RIT2: variants seen among roughly 807,000 people sequenced by gnomAD.
RIT2 encodes Ras like without CAAX 2, also known as GTP-binding protein Rit2.
In RIT2, 24 loss-of-function variants were observed where a neutral mutation model predicts 23.7. The observed-to-expected ratio is 1.01, with a 90% confidence interval of 0.73 to 1.43. The LOEUF is 1.43. RIT2 is among the 40% of genes most tolerant of loss of function. The pLI is 0.00. For synonymous variants in RIT2, 107 were observed against 91.1 expected (o/e 1.17, Z -0.99); for missense variants, 236 against 266.9 (o/e 0.88, Z 0.81).
At chr18:42,903,303 T>C (rs376970162) in intron 4 of RIT2, among the ~76,000 whole-genome samples, 3 of 152,202 alleles carry the variant, frequency 2.0e-5, no homozygotes, top group East Asian at 3.9e-4. Flanking sequence ...TACACTTGTT[T>C]CTACAGCCCC....
intron 4 of RIT2, among the ~76,000 whole-genome samples, chr18:42,753,442 GGTCTGGCTCT>G (rs1328985842): frequency 6.6e-6 from 1 of 152,086 alleles, no homozygotes; most frequent in Non-Finnish European, 1.5e-5. Context: ...CAGAAAGATG[GGTCTGGCTCT>G]TCCAACAGAA....
chr18:43,059,149 G>A (rs1912581139), intron 1 of RIT2, among the ~76,000 whole-genome samples: 2 of 151,876 alleles, frequency 1.3e-5, no homozygotes, highest in Non-Finnish European at 2.9e-5. Flanking sequence ...TTTTAAGATA[G>A]TAGAAGTCAT....
chr18:42,841,127 G>T (rs943868067), intron 4 of RIT2, among the ~76,000 whole-genome samples: 1 of 152,098 alleles, frequency 6.6e-6, no homozygotes, highest in African/African-American at 2.4e-5. Flanking sequence ...AAATGAGAAA[G>T]AATGAATGAT....
intron 4 of RIT2, among the ~76,000 whole-genome samples, chr18:42,759,435 A>T (rs976551418): frequency 2.0e-5 from 3 of 152,148 alleles, no homozygotes; most frequent in Non-Finnish European, 2.9e-5. Flanking sequence ...GTTCTTCAAT[A>T]TTGGAATTGG....
chr18:42,879,145 A>G (rs560020469), intron 4 of RIT2, among the ~76,000 whole-genome samples: 13 of 152,252 alleles, frequency 8.5e-5, no homozygotes, highest in African/African-American at 2.2e-4. Flanking sequence ...TCCAATCTGA[A>G]TGATTTCTTT....
chr18:43,069,862 G>A (rs1404271995), intron 1 of RIT2, among the ~76,000 whole-genome samples: 3 of 152,016 alleles, frequency 2.0e-5, no homozygotes, highest in Non-Finnish European at 4.4e-5. Context: ...CCTCAGAGAA[G>A]ATACCCTTGA....
At chr18:43,025,221 C>CAAAAA (rs1207895767) in intron 2 of RIT2, among the ~76,000 whole-genome samples, 1 of 121,924 alleles carries the variant, frequency 8.2e-6, no homozygotes, top group Non-Finnish European at 1.8e-5. Context: ...AAAAACAAAA[C>CAAAAA]AAAACAAAAA....
intron 2 of RIT2, among the ~76,000 whole-genome samples, chr18:42,992,210 C>T (rs139986450): frequency 1.4e-3 from 214 of 152,206 alleles, no homozygotes; most frequent in African/African-American, 4.6e-3. Flanking sequence ...TCAACTCACA[C>T]GTGACCTAAA....
chr18:42,951,412 C>T (rs1327696666), intron 3 of RIT2, among the ~76,000 whole-genome samples: 1 of 151,634 alleles, frequency 6.6e-6, no homozygotes, highest in African/African-American at 2.4e-5. Flanking sequence ...ACAGTAGATA[C>T]CGGGGACTGC....
chr18:42,816,038 G>A (rs16976960), intron 4 of RIT2, among the ~76,000 whole-genome samples: 29,319 of 151,652 alleles, frequency 0.19, 3,233 homozygotes, highest in African/African-American at 0.3. Flanking sequence ...TCCAAGAACC[G>A]CCTCAACTTT....
intron 4 of RIT2, among the ~76,000 whole-genome samples, chr18:42,908,422 C>T (rs1453351517): frequency 6.6e-6 from 1 of 152,126 alleles, no homozygotes; most frequent in Admixed American, 6.6e-5. Flanking sequence ...TGGCAAAACA[C>T]ATAAAGCTAC....
intron 2 of RIT2, among the ~76,000 whole-genome samples, chr18:43,001,351 A>G (rs1443428648): frequency 6.6e-6 from 1 of 152,024 alleles, no homozygotes; most frequent in African/African-American, 2.4e-5. Context: ...AGACAAAAAT[A>G]AAGTATTTGG....
chr18:43,095,205 A>G (rs1598781985), intron 1 of RIT2, among the ~76,000 whole-genome samples: 2 of 152,092 alleles, frequency 1.3e-5, no homozygotes, highest in African/African-American at 4.8e-5. Flanking sequence ...CTATTTCTCC[A>G]CATCCTCTAC....
intron 4 of RIT2, among the ~76,000 whole-genome samples, chr18:42,869,697 C>A (rs1249101231): frequency 1.3e-5 from 2 of 152,114 alleles, no homozygotes; most frequent in African/African-American, 4.8e-5. Context: ...TCGGATATAG[C>A]CCATTTGTCC....
intron 4 of RIT2, among the ~76,000 whole-genome samples, chr18:42,835,344 A>G (rs1906567182): frequency 6.6e-6 from 1 of 152,074 alleles, no homozygotes; most frequent in African/African-American, 2.4e-5. Flanking sequence ...ACAACTTATA[A>G]CATCATGTTC....
intron 3 of RIT2, among the ~76,000 whole-genome samples, chr18:42,968,448 C>A (rs552906281): frequency 6.6e-6 from 1 of 152,196 alleles, no homozygotes; most frequent in South Asian, 2.1e-4. Flanking sequence ...CATCTCAGAG[C>A]CAAAACAATG....
intron 1 of RIT2, among the ~76,000 whole-genome samples, chr18:43,110,188 A>C (rs1913920258): frequency 6.6e-6 from 1 of 152,088 alleles, no homozygotes; most frequent in East Asian, 1.9e-4. Context: ...TAAATCTTAA[A>C]ACATTATCAT....
intron 4 of RIT2, among the ~76,000 whole-genome samples, chr18:42,838,703 C>T (rs1906683431): frequency 6.6e-6 from 1 of 152,136 alleles, no homozygotes; most frequent in Non-Finnish European, 1.5e-5. Flanking sequence ...AGACATGTTG[C>T]CTTTTTAGCC....
At chr18:42,984,877 G>A (rs1910675487) in intron 2 of RIT2, among the ~76,000 whole-genome samples, 1 of 151,946 alleles carries the variant, frequency 6.6e-6, no homozygotes, top group African/African-American at 2.4e-5. Flanking sequence ...TACAAGATAA[G>A]AATACTCAGT....
Sources: allele counts gnomAD v4.1 joint callset (sites outside exome capture counted in the v4.1 genomes callset), GRCh38; gene constraint gnomAD v4.1.1; transcripts MANE v1.5; gene names NCBI Gene and HGNC (gene_info 2026-07-23, HGNC 2026-07-21).